The following LRP11 variants were observed in gnomAD, a reference collection of about 807,000 sequenced individuals.
LRP11 encodes the protein low-density lipoprotein receptor-related protein 11.
LRP11 carries 25 observed loss-of-function variants against 43.1 expected under a neutral mutation model. That is an observed-to-expected ratio of 0.58 (90% CI 0.42 to 0.81). LRP11 has a LOEUF of 0.81. Ranked by LOEUF, LRP11 falls within the 30% of genes least tolerant of loss-of-function variation. The pLI, the probability that LRP11 is intolerant of heterozygous loss-of-function variation, is 0.00. For missense variants in LRP11, 623 were observed against 665.1 expected, an observed-to-expected ratio of 0.94 and a Z score of 0.70; for synonymous variants, 316 against 299.4, an observed-to-expected ratio of 1.06 and a Z score of -0.57.
chr6:149,862,577 C>T (rs369463509), intron 1 of LRP11, among the ~76,000 whole-genome samples: 2 of 126,198 alleles, frequency 1.6e-5, no homozygotes, highest in South Asian at 2.5e-4. Context: ...TTTTCTTTTC[C>T]TTTTTTTTTT....
intron 3 of LRP11, chr6:149,842,642 C>T: frequency 6.4e-7 from 1 of 1,550,974 alleles, no homozygotes; most frequent in Non-Finnish European, 8.7e-7. Flanking sequence ...CCTTAGCTTC[C>T]CTCTTGGAAC....
At chr6:149,823,371 C>T (rs1776300394) in intron 6 of LRP11, among the ~76,000 whole-genome samples, 1 of 152,064 alleles carries the variant, frequency 6.6e-6, no homozygotes, top group African/African-American at 2.4e-5. Context: ...ATGAAAAACA[C>T]GGGAGAGCTA....
chr6:149,834,423 C>T (rs1776446952), intron 5 of LRP11, among the ~76,000 whole-genome samples: 1 of 152,184 alleles, frequency 6.6e-6, no homozygotes. Context: ...AAAGGTAGAG[C>T]CAAGACCTGG....
chr6:149,853,181 T>A (rs750815026), intron 1 of LRP11, 21 bp from the exon 2 acceptor site: 4 of 1,533,998 alleles, frequency 2.6e-6, no homozygotes, highest in Non-Finnish European at 3.5e-6. Flanking sequence ...AAATAAATAA[T>A]TCATAAAAGA....
At chr6:149,842,584 C>T (rs1044420967) in intron 3 of LRP11, 126 of 1,504,586 alleles carry the variant, frequency 8.4e-5, no homozygotes, top group Admixed American at 4.1e-4. Context: ...CTCCAGTAAC[C>T]GCCATTCCAC....
chr6:149,841,960 T>A (rs992540570), intron 3 of LRP11, among the ~76,000 whole-genome samples: 1 of 152,178 alleles, frequency 6.6e-6, no homozygotes, highest in Non-Finnish European at 1.5e-5. Flanking sequence ...GAAACATAGA[T>A]GAATGAAATA....
chr6:149,832,794 GTATTTT>G (rs1348331390), intron 5 of LRP11, among the ~76,000 whole-genome samples: 1 of 151,018 alleles, frequency 6.6e-6, no homozygotes, highest in African/African-American at 2.4e-5. Context: ...CTAATTTTTT[GTATTTT>G]TATTTTTATT....
rs148422701 is a variant in LRP11, at chr6:149,842,565, C to T, written c.913+418G>A. ...CGTCTCTCCTTTCCCAGTCCGTCCC[C>T]CGCACAGCCTCCAGTAACCGCCATT... is the stretch of plus-strand genomic sequence containing the variant. On this transcript the variant is annotated intron_variant, in intron 3 of 6. Transcript: ENST00000239367. The T allele has an allele frequency of 2.9e-6, 4 of 1,370,558 alleles. No individual in the cohort carries two copies. In the East Asian group the frequency reaches 7.5e-5, roughly 26 times the overall value. 84.9% of individuals were successfully genotyped at this position (1,370,558 alleles called of 1,614,324 possible).
At chr6:149,837,528 A>C (rs1776489945) in intron 3 of LRP11, 65 bp from the exon 4 acceptor site, 1 of 1,545,526 alleles carries the variant, frequency 6.5e-7, no homozygotes, top group Non-Finnish European at 8.8e-7. Context: ...TGGGGATGAC[A>C]AAGGGGAGTC....
intron 5 of LRP11, among the ~76,000 whole-genome samples, chr6:149,829,688 C>T (rs368984484): frequency 4.6e-5 from 7 of 152,084 alleles, no homozygotes; most frequent in African/African-American, 1.7e-4. Flanking sequence ...TTGTCTTTCA[C>T]CCAATAAAAA....
chr6:149,863,812 C>CG lies in LRP11; in HGVS notation c.208dup (p.Arg70ProfsTer33). Reference sequence around the variant, plus strand: ...CTCCAGCTCCAGCTCCTCCTGAGGCCGCTCCTGCTGCAGTTGCCGGCGGAA... The same window carrying CG: ...CTCCAGCTCCAGCTCCTCCTGAGGCCGGCTCCTGCTGCAGTTGCCGGCGGAA... On this transcript the variant is annotated frameshift_variant, in exon 1 of 7. Transcript: ENST00000239367. LOFTEE classifies it high-confidence loss of function. The CG allele has an allele frequency of 6.6e-7, 1 of 1,505,416 alleles. No homozygotes were observed. The allele number at this position is 1,505,416 out of a possible 1,614,324, so 93.3% of individuals were successfully genotyped here. A position where few individuals can be genotyped will look rare whatever the true frequency, so the allele number is the denominator to read the frequency against.
chr6:149,850,159 A>T (rs1031485696), intron 2 of LRP11, among the ~76,000 whole-genome samples: 1 of 152,210 alleles, frequency 6.6e-6, no homozygotes, highest in Non-Finnish European at 1.5e-5. Context: ...AGGGCATCCA[A>T]TAACAGGTTT....
chr6:149,842,327 T>C (rs1436077742), intron 3 of LRP11, among the ~76,000 whole-genome samples: 1 of 152,228 alleles, frequency 6.6e-6, no homozygotes, highest in Non-Finnish European at 1.5e-5. Context: ...TTTTGATATA[T>C]GTTTGCATTG....
At chr6:149,837,883 G>A (rs1016183187) in intron 3 of LRP11, among the ~76,000 whole-genome samples, 15 of 152,242 alleles carry the variant, frequency 9.9e-5, no homozygotes, top group Middle Eastern at 3.4e-3. Flanking sequence ...CCCCTGGATG[G>A]CAGTTGGCTA....
chr6:149,853,245 A>G (rs1173851197), intron 1 of LRP11, 85 bp from the exon 2 acceptor site: 3 of 1,057,166 alleles, frequency 2.8e-6, no homozygotes, highest in Non-Finnish European at 2.6e-6. Flanking sequence ...CTGAATAGAT[A>G]TGATTCGGCA....
rs1185394252 is a variant in LRP11 at position 149,826,294 on chromosome 6, C to T, written c.1318G>A (p.Gly440Arg). Residue 440 changes from glycine to arginine, a missense_variant, in exon 6 of 7, where the codon GGA becomes AGA. Coordinates refer to ENST00000239367, the MANE Select transcript of LRP11 (RefSeq NM_032832.6). Reference sequence around the variant, plus strand: ...TCTGGGGCTGGGTGTTCCCCTCCTCCTCCATCACCCTTTGACTCAAATATA... The same window carrying T: ...TCTGGGGCTGGGTGTTCCCCTCCTCTTCCATCACCCTTTGACTCAAATATA... ...SYIFESKGDG[G>R]GGEHPAPETG... is the part of the protein sequence containing the mutation. 1 of 1,613,748 alleles carries T rather than the reference C, an allele frequency of 6.2e-7. No individual in the cohort carries two copies. The highest frequency in any genetic ancestry group is 1.7e-5 in the Admixed American group (1 of 60,018).
chr6:149,851,423 A>C (rs1236740830), intron 2 of LRP11, among the ~76,000 whole-genome samples: 2 of 152,262 alleles, frequency 1.3e-5, no homozygotes, highest in Non-Finnish European at 2.9e-5. Flanking sequence ...GGCCTGAAAA[A>C]TCAATTCATA....
intron 1 of LRP11, among the ~76,000 whole-genome samples, chr6:149,862,868 C>T (rs1776941856): frequency 6.6e-6 from 1 of 152,122 alleles, no homozygotes; most frequent in Admixed American, 6.6e-5. Context: ...GCATAAGCCA[C>T]CACGCCCGGC....
chr6:149,838,774 C>A (rs1776506517), intron 3 of LRP11, among the ~76,000 whole-genome samples: 1 of 152,050 alleles, frequency 6.6e-6, no homozygotes, highest in East Asian at 1.9e-4. Context: ...ATAGGAGCTA[C>A]AAATATTTTC....
Sources: gnomAD v4.1 joint callset for allele counts (sites outside exome capture counted in the v4.1 genomes callset) on GRCh38, gnomAD v4.1.1 for gene constraint, MANE v1.5 for transcripts, NCBI Gene and HGNC (gene_info 2026-07-23, HGNC 2026-07-21) for gene names.